Variants in USP36 observed in about 807,000 individuals in gnomAD.
USP36 encodes the protein ubiquitin carboxyl-terminal hydrolase 36.
Under a neutral mutation model 111.5 loss-of-function variants are expected in USP36, and 59 were observed. The observed-to-expected ratio is 0.53, with a 90% CI of 0.43 to 0.66. The LOEUF (loss-of-function observed/expected upper bound fraction) is 0.66. Ranked by LOEUF, USP36 falls within the 30% of genes least tolerant of loss-of-function variation. The pLI is 0.00. For synonymous variants in USP36, 628 were observed against 581.0 expected (o/e 1.08, Z -1.16); for missense variants, 1,488 against 1,468.0 (o/e 1.01, Z -0.22).
chr17:78,803,753 C>A lies in USP36; in HGVS notation c.2442G>T (p.Lys814Asn), dbSNP rs3744797. 4.9e-3 allele frequency: 7,876 copies of A among 1,612,646 alleles called. 347 individuals are homozygous for A. The East Asian group carries it at 0.12, about 24-fold the overall frequency. The change falls in exon 16 of 21, where the codon AAG becomes AAT. Residue 814 changes from lysine to asparagine, a missense_variant. By Grantham distance (94) the Lys-to-Asn change is moderately conservative. This residue lies in a region of USP36 where 1,073 missense variants were observed against 994.1 expected (regional missense o/e 1.08). Coordinates refer to ENST00000449938, the MANE Select transcript of USP36 (RefSeq NM_001385174.1). The surrounding 1 kb of genome is among the most constrained non-coding windows in gnomAD (Gnocchi z 4.6). Reference protein sequence around the residue: ...PPQSPSEKRKKTFVGEPQRLG... With the variant: ...PPQSPSEKRKNTFVGEPQRLG... ...GCCTCTGCGGCTCTCCCACAAAGGT[C>A]TTTTTCCTCTTCTCAGAGGGGCTCT...
At chr17:78,809,972 G>A (rs1368930618) in intron 13 of USP36, among the ~76,000 whole-genome samples, 7 of 151,930 alleles carry the variant, frequency 4.6e-5, no homozygotes, top group East Asian at 3.9e-4. Flanking sequence ...TCGGCCTCTC[G>A]AATAGCTGGG....
At chr17:78,813,286 G>A (rs2094111448) in intron 12 of USP36, among the ~76,000 whole-genome samples, 1 of 150,756 alleles carries the variant, frequency 6.6e-6, no homozygotes, top group Admixed American at 6.6e-5. Context: ...AAACACCTCA[G>A]CCACACTCTG....
chr17:78,805,510 A>G (rs927659420), intron 15 of USP36, among the ~76,000 whole-genome samples: 1 of 152,100 alleles, frequency 6.6e-6, no homozygotes, highest in East Asian at 1.9e-4. Context: ...AGGCCGCCTC[A>G]TGACTCACCC....
At chr17:78,794,131 C>T (rs1441414731), downstream of USP36, among the ~76,000 whole-genome samples, 4 of 152,234 alleles carry the variant, frequency 2.6e-5, no homozygotes, top group Admixed American at 1.3e-4. Flanking sequence ...AGTGACCTCA[C>T]TTCTAGCCTA....
chr17:78,790,741 T>C (rs1220441095), downstream of USP36, among the ~76,000 whole-genome samples: 1 of 152,218 alleles, frequency 6.6e-6, no homozygotes, highest in African/African-American at 2.4e-5. Context: ...GTAAAAGAAC[T>C]TGAATTTCCT....
intron 10 of USP36, among the ~76,000 whole-genome samples, chr17:78,817,419 C>G (rs182847541): frequency 2.1e-4 from 32 of 152,320 alleles, no homozygotes; most frequent in African/African-American, 7.0e-4. Flanking sequence ...CATTCCAAAC[C>G]ACATAACCAG....
intron 3 of USP36, chr17:78,787,797 A>AG (rs2144813351): frequency 6.6e-6 from 1 of 152,360 alleles, no homozygotes; most frequent in Non-Finnish European, 1.5e-5. Context: ...CTTATTTGGA[A>AG]GTGGGGTCTT....
intron 15 of USP36, among the ~76,000 whole-genome samples, chr17:78,804,499 A>C (rs1379617928): frequency 1.3e-5 from 2 of 149,634 alleles, no homozygotes; most frequent in Non-Finnish European, 3.0e-5. Flanking sequence ...CAAAAACAAA[A>C]AAAAAAAAAC....
downstream of USP36, among the ~76,000 whole-genome samples, chr17:78,794,903 A>AG (rs1430405584): frequency 1.3e-5 from 2 of 148,502 alleles, no homozygotes; most frequent in African/African-American, 5.0e-5. Context: ...GCTTCTTGGG[A>AG]GGCTGAGGCA....
intron 3 of USP36, 124 bp downstream of exon 3, chr17:78,835,987 G>A (rs2068628036): frequency 5.8e-6 from 8 of 1,388,118 alleles, no homozygotes; most frequent in Non-Finnish European, 6.8e-6. Context: ...CTGACCCCAT[G>A]TAAAAATTCA....
intron 14 of USP36, 63 bp from the exon 15 acceptor site, chr17:78,806,349 G>T: frequency 1.3e-6 from 2 of 1,575,642 alleles, no homozygotes; most frequent in Non-Finnish European, 8.6e-7. Context: ...AGTGAAGAGG[G>T]AAAACAAAAG....
Position 78,796,193 on chromosome 17 carries a change from A to G in USP36, c.*1707T>C, listed in dbSNP as rs1469044414. 6.6e-6 allele frequency: 1 copy of G among 152,276 alleles called. No individual in the cohort carries two copies. The highest frequency in any genetic ancestry group is 1.5e-5 in the Non-Finnish European group (1 of 68,072). The allele number at this position is 152,276 out of a possible 1,614,324, so 9.4% of individuals were successfully genotyped here. ...AGGAGAGAAGGGAGAGAAAGGAACG[A>G]GATAAATTCTGTGCCAGCAGACAAC... On this transcript the variant is annotated 3_prime_UTR_variant, in exon 21 of 21. Coordinates refer to ENST00000449938, the MANE Select transcript of USP36 (RefSeq NM_001385174.1).
chr17:78,840,115 C>T (rs1023318874), intron 1 of USP36, among the ~76,000 whole-genome samples: 1 of 152,178 alleles, frequency 6.6e-6, no homozygotes, highest in African/African-American at 2.4e-5. Context: ...GCGGACACAG[C>T]GACCCGAGCA....
At chr17:78,805,299 G>A (rs1463611528) in intron 15 of USP36, among the ~76,000 whole-genome samples, 2 of 152,162 alleles carry the variant, frequency 1.3e-5, no homozygotes, top group African/African-American at 2.4e-5. Context: ...GGCAAGAAAC[G>A]AAAAACACCC....
intron 3 of USP36, 83 bp from the exon 4 acceptor site, chr17:78,835,584 A>G (rs2068588619): frequency 7.5e-7 from 1 of 1,329,534 alleles, no homozygotes; most frequent in African/African-American, 1.5e-5. Context: ...CTCCTGAAGC[A>G]TACACTTAGC....
At chr17:78,821,420 A>ATATATATAT (rs1192213715) in intron 7 of USP36, 1 of 34,556 alleles carries the variant, frequency 2.9e-5, no homozygotes, top group East Asian at 9.4e-4. Context: ...ATATATATAT[A>ATATATATAT]TTTTTTTTTT....
In USP36 at chr17:78,813,829, A is replaced by G. The variant is rs146168630; in HGVS notation, c.1209T>C (p.His403=). Residue 403 remains histidine (H), a synonymous_variant, in exon 12 of 21, where the codon CAT becomes CAC. Transcript: ENST00000449938. ...TCAGAACCACCTTGACGTTGCTGGA[A>G]TGGACCAAGGAATCATTCATCTGGT... ...QWYQMNDSLV[H]SSNVKVVLNQ... 1.6e-5 allele frequency: 26 copies of G among 1,614,080 alleles called. No individual in the cohort carries two copies. The highest frequency in any genetic ancestry group is 2.0e-5 in the Non-Finnish European group (24 of 1,180,034).
chr17:78,818,573 C>T, intron 10 of USP36, 94 bp downstream of exon 10: 2 of 1,055,728 alleles, frequency 1.9e-6, no homozygotes, highest in Admixed American at 1.8e-5. Flanking sequence ...GTGTAAACAG[C>T]AGCTATCAAA....
rs183617780 is a variant in USP36, at chr17:78,801,951, C to T, written c.3022+373G>A. 5.4e-3 allele frequency among the ~76,000 whole-genome samples: 820 copies of T among 152,252 alleles called. 9 individuals carry two copies. The highest frequency in any genetic ancestry group is 0.018 in the African/African-American group (731 of 41,548). On this transcript the variant is annotated intron_variant, in intron 17 of 20. Transcript: ENST00000449938. Reference sequence around the variant, plus strand: ...ACCCCATCACCCAAGGGAGCAGACTCGGGGGTGGGGGGTGAAGGTTGGTAG... The same window carrying T: ...ACCCCATCACCCAAGGGAGCAGACTTGGGGGTGGGGGGTGAAGGTTGGTAG...
Sources: gnomAD v4.1 joint callset for allele counts (sites outside exome capture counted in the v4.1 genomes callset) on GRCh38, gnomAD v4.1.1 for gene constraint, gnomAD v4.1.1 regional missense constraint, Gnocchi (gnomAD v3.1) non-coding constraint, MANE v1.5 for transcripts, NCBI Gene and HGNC (gene_info 2026-07-23, HGNC 2026-07-21) for gene names.